The following RIMS2 variants were observed in gnomAD, a reference collection of about 807,000 sequenced individuals.
RIMS2 encodes the protein regulating synaptic membrane exocytosis 2.
RIMS2 carries 59 observed loss-of-function variants against 174.4 expected under a neutral mutation model. The ratio of observed to expected loss-of-function variants is 0.34; its 90% CI spans 0.27 to 0.42. The LOEUF (loss-of-function observed/expected upper bound fraction) is 0.42. Among genes scored for constraint, RIMS2 ranks in the 10% least tolerant of loss-of-function variants. RIMS2 has a pLI of 1.00. For synonymous variants in RIMS2, 606 were observed against 572.5 expected (o/e 1.06, Z -0.84); for missense variants, 1,620 against 1,666.3 (o/e 0.97, Z 0.48).
intron 19 of RIMS2, among the ~76,000 whole-genome samples, chr8:104,036,229 C>T (rs2096512261): frequency 1.3e-5 from 2 of 151,942 alleles, no homozygotes; most frequent in African/African-American, 4.8e-5. Flanking sequence ...CGGCTCACTG[C>T]AAGCTCCGCC....
At chr8:103,562,775 C>T (rs556909676) in intron 1 of RIMS2, among the ~76,000 whole-genome samples, 3 of 152,180 alleles carry the variant, frequency 2.0e-5, no homozygotes, top group Non-Finnish European at 4.4e-5. Flanking sequence ...AGGGCCCCGT[C>T]CCTGCAGCAA....
intron 19 of RIMS2, among the ~76,000 whole-genome samples, chr8:104,035,868 A>G (rs1444701386): frequency 1.3e-5 from 2 of 152,088 alleles, no homozygotes; most frequent in Non-Finnish European, 2.9e-5. Flanking sequence ...GAAAAAATTT[A>G]TGTAAGACAA....
chr8:104,229,600 C>G (rs906579006), intron 19 of RIMS2, among the ~76,000 whole-genome samples: 36 of 152,110 alleles, frequency 2.4e-4, no homozygotes, highest in African/African-American at 8.4e-4. Flanking sequence ...CATTTCTTGC[C>G]GTTGATTCTG....
chr8:104,229,268 C>T lies in RIMS2; in HGVS notation c.3335-15648C>T, dbSNP rs186600693. On this transcript the variant is annotated intron_variant, in intron 19 of 23. Transcript: ENST00000504942. ...TGTTCTCTGCTATTATTAAATAGGC[C>T]CCTATTTATGGATCAGACAAGATCA... Among the ~76,000 whole-genome samples the T allele has an allele frequency of 6.2e-4, 95 of 152,002 alleles. 1 individual carries two copies. The highest frequency in any genetic ancestry group is 2.2e-3 in the African/African-American group (91 of 41,452).
At chr8:103,923,812 GAAAATTA>G (rs2078196614) in intron 10 of RIMS2, among the ~76,000 whole-genome samples, 1 of 151,568 alleles carries the variant, frequency 6.6e-6, no homozygotes, top group Non-Finnish European at 1.5e-5. Flanking sequence ...GGAAAGTACA[GAAAATTA>G]ATAAGACATA....
chr8:103,862,588 C>T (rs1455304588), intron 3 of RIMS2, among the ~76,000 whole-genome samples: 1 of 152,012 alleles, frequency 6.6e-6, no homozygotes, highest in Non-Finnish European at 1.5e-5. Flanking sequence ...GATATTACCT[C>T]CTGCAATCCA....
chr8:103,675,299 A>G (rs2096794441), intron 1 of RIMS2, among the ~76,000 whole-genome samples: 1 of 152,218 alleles, frequency 6.6e-6, no homozygotes, highest in Non-Finnish European at 1.5e-5. Context: ...CTGGATGGCT[A>G]TGAAGGCCAG....
At chr8:104,105,414 G>A (rs542992052) in intron 19 of RIMS2, among the ~76,000 whole-genome samples, 1 of 152,270 alleles carries the variant, frequency 6.6e-6, no homozygotes, top group South Asian at 2.1e-4. Flanking sequence ...GTTAAGACAA[G>A]ATAAAGGTTG....
intron 2 of RIMS2, among the ~76,000 whole-genome samples, chr8:103,739,131 A>G (rs1054241674): frequency 9.2e-5 from 14 of 152,208 alleles, no homozygotes; most frequent in African/African-American, 3.1e-4. Flanking sequence ...AACCAACCCA[A>G]ATGTCCATCA....
chr8:104,244,194 G>A (rs1481536976), intron 19 of RIMS2, among the ~76,000 whole-genome samples: 1 of 152,036 alleles, frequency 6.6e-6, no homozygotes, highest in African/African-American at 2.4e-5. Flanking sequence ...GTTTCTATTA[G>A]TAAATCACAT....
intron 1 of RIMS2, among the ~76,000 whole-genome samples, chr8:103,516,063 G>A (rs1246590395): frequency 1.3e-5 from 2 of 151,826 alleles, no homozygotes; most frequent in Non-Finnish European, 2.9e-5. Context: ...TTGGTTCATC[G>A]ATTTCAAATA....
chr8:103,737,632 G>A (rs1319046918), intron 2 of RIMS2, among the ~76,000 whole-genome samples: 2 of 152,076 alleles, frequency 1.3e-5, no homozygotes, highest in Non-Finnish European at 2.9e-5. Flanking sequence ...GGGCACACAG[G>A]GAAGGCAAAA....
chr8:104,114,065 G>T (rs1039703558), intron 19 of RIMS2, among the ~76,000 whole-genome samples: 2 of 151,834 alleles, frequency 1.3e-5, no homozygotes, highest in African/African-American at 4.8e-5. Flanking sequence ...ACCTGAATTT[G>T]TCTCTGACAA....
chr8:103,922,077 C>T (rs973295329), intron 10 of RIMS2: 1 of 197,472 alleles, frequency 5.1e-6, no homozygotes, highest in Non-Finnish European at 1.0e-5. Context: ...TGCTCTATAC[C>T]TTAAGATGAC....
intron 19 of RIMS2, among the ~76,000 whole-genome samples, chr8:104,156,117 T>C (rs1437058813): frequency 6.6e-6 from 1 of 152,224 alleles, no homozygotes; most frequent in East Asian, 1.9e-4. Context: ...CCTGCTGTAA[T>C]ATATACAAAC....
chr8:103,929,099 G>A (rs544741467), intron 11 of RIMS2, among the ~76,000 whole-genome samples: 13 of 151,764 alleles, frequency 8.6e-5, no homozygotes, highest in Non-Finnish European at 1.3e-4. Flanking sequence ...CAAATAATTA[G>A]TAAAGTTAAA....
chr8:103,613,256 A>G (rs536710187), intron 1 of RIMS2, among the ~76,000 whole-genome samples: 170 of 152,294 alleles, frequency 1.1e-3, no homozygotes, highest in African/African-American at 3.7e-3. Flanking sequence ...TTAAACCACA[A>G]TATAAAGTCC....
chr8:103,729,331 A>AT (rs2097564489), intron 2 of RIMS2, among the ~76,000 whole-genome samples: 1 of 151,736 alleles, frequency 6.6e-6, no homozygotes, highest in Admixed American at 6.6e-5. Context: ...GAATTTATCT[A>AT]TTTTTTCTAG....
chr8:103,861,918 C>G (rs931472086), intron 3 of RIMS2, among the ~76,000 whole-genome samples: 4 of 151,990 alleles, frequency 2.6e-5, no homozygotes, highest in Non-Finnish European at 4.4e-5. Flanking sequence ...ATATTTTCTC[C>G]CATTCTGTAA....
Sources: gnomAD v4.1 joint callset for allele counts (sites outside exome capture counted in the v4.1 genomes callset) on GRCh38, gnomAD v4.1.1 for gene constraint, MANE v1.5 for transcripts, NCBI Gene and HGNC (gene_info 2026-07-23, HGNC 2026-07-21) for gene names.